SRGAP1: variants seen among roughly 807,000 people sequenced by gnomAD.
SRGAP1 encodes SLIT-ROBO Rho GTPase activating protein 1, also known as SLIT-ROBO Rho GTPase-activating protein 1.
In SRGAP1, 43 loss-of-function variants were observed where a neutral mutation model predicts 121.9. The observed-to-expected ratio is 0.35, with a 90% CI of 0.28 to 0.46. SRGAP1 has a LOEUF of 0.46. Ranked by LOEUF, SRGAP1 falls within the 20% of genes least tolerant of loss-of-function variation. The probability of loss-of-function intolerance (pLI) is 1.00; values close to 1 mark genes in which losing one functional copy is unlikely to be tolerated. For synonymous variants in SRGAP1, 447 were observed against 485.4 expected, an observed-to-expected ratio of 0.92 and a Z score of 1.04; for missense variants, 1,102 against 1,350.9, an observed-to-expected ratio of 0.82 and a Z score of 2.89.
intron 1 of SRGAP1, among the ~76,000 whole-genome samples, chr12:63,871,392 GC>G (rs1255732727): frequency 6.6e-6 from 1 of 152,146 alleles, no homozygotes; most frequent in Non-Finnish European, 1.5e-5. Flanking sequence ...AGCCTGATGA[GC>G]CCTTGAGGAT....
At chr12:63,847,967 G>T (rs112610596) in intron 1 of SRGAP1, among the ~76,000 whole-genome samples, 2,068 of 151,136 alleles carry the variant, frequency 0.014, 14 homozygotes, top group Non-Finnish European at 0.018. Flanking sequence ...CTAAAGGAAT[G>T]ACTTCAGATA....
At chr12:63,884,151 C>A (rs573696129) in intron 1 of SRGAP1, among the ~76,000 whole-genome samples, 1 of 151,688 alleles carries the variant, frequency 6.6e-6, no homozygotes, top group Non-Finnish European at 1.5e-5. Flanking sequence ...GGTGTGGTGG[C>A]GCATGCCTGT....
intron 1 of SRGAP1, among the ~76,000 whole-genome samples, chr12:63,846,637 G>A (rs955313668): frequency 6.6e-6 from 1 of 152,106 alleles, no homozygotes. Flanking sequence ...CACAGAGAAT[G>A]ACCTTCTCCC....
At chr12:63,928,201 C>T (rs938262205) in intron 1 of SRGAP1, among the ~76,000 whole-genome samples, 1 of 152,186 alleles carries the variant, frequency 6.6e-6, no homozygotes, top group Admixed American at 6.5e-5. Flanking sequence ...TCCTAAAAGT[C>T]ACTCTGGGTA....
chr12:63,870,163 G>A (rs1899800291), intron 1 of SRGAP1, among the ~76,000 whole-genome samples: 1 of 152,124 alleles, frequency 6.6e-6, no homozygotes, highest in South Asian at 2.1e-4. Context: ...TCAGATAAAA[G>A]TCTGTATTTT....
At chr12:64,127,746 G>A in intron 20 of SRGAP1, 22 bp downstream of exon 20, 1 of 1,613,208 alleles carries the variant, frequency 6.2e-7, no homozygotes, top group Non-Finnish European at 8.5e-7. Context: ...CTGGGAATCA[G>A]GCCCCTAAGC....
At position 64,143,510 on chromosome 12, in the gene SRGAP1, T is replaced by C. The variant is rs139134680; in HGVS notation, c.*838T>C. ...ACGAACTCCTCCAAAGATCCGTTAT[T>C]CAATAACTGCCTAGAAAATGTTTCC... On this transcript the variant is annotated 3_prime_UTR_variant, in exon 22 of 22. Coordinates refer to ENST00000355086, the MANE Select transcript of SRGAP1 (RefSeq NM_020762.4). 8 of 152,354 alleles carry C rather than the reference T, an allele frequency of 5.3e-5. No homozygotes were observed. The East Asian group carries it at 1.5e-3, about 29-fold the overall frequency. The allele number at this position is 152,354 out of a possible 1,614,324, so 9.4% of individuals were successfully genotyped here.
chr12:63,891,540 C>T (rs973239662), intron 1 of SRGAP1, among the ~76,000 whole-genome samples: 2 of 152,134 alleles, frequency 1.3e-5, no homozygotes, highest in African/African-American at 2.4e-5. Context: ...TGGTTGGGTC[C>T]GTAGCACCTA....
In SRGAP1 at chr12:64,156,894, G is replaced by C. The variant is rs1212370125; in HGVS notation, c.*14222G>C. On this transcript the variant is annotated 3_prime_UTR_variant, in exon 22 of 22. Transcript: ENST00000355086. ...TTCTCTAGGAAAGATTACCTTCTCTGAAGAAGTGATAGGGGGAATAAGGCA... is the reference window on the plus strand; with the variant it reads ...TTCTCTAGGAAAGATTACCTTCTCTCAAGAAGTGATAGGGGGAATAAGGCA... The C allele has an allele frequency of 6.6e-6, 1 of 152,174 alleles. No individual in the cohort carries two copies. Among genetic ancestry groups the C allele is most frequent in the African/African-American group, 2.4e-5 (1 of 41,428 alleles). The allele number at this position is 152,174 out of a possible 1,614,324, so 9.4% of individuals were successfully genotyped here. A position where few individuals can be genotyped will look rare whatever the true frequency, so the allele number is the denominator to read the frequency against.
At chr12:64,106,729 C>T (rs899839711) in intron 15 of SRGAP1, among the ~76,000 whole-genome samples, 1 of 152,118 alleles carries the variant, frequency 6.6e-6, no homozygotes, top group African/African-American at 2.4e-5. Context: ...ATCTTATTCC[C>T]TCTTTTCAGG....
At chr12:64,033,203 C>T (rs2034821619) in intron 4 of SRGAP1, among the ~76,000 whole-genome samples, 1 of 151,968 alleles carries the variant, frequency 6.6e-6, no homozygotes, top group Non-Finnish European at 1.5e-5. Flanking sequence ...CATTTGGTTA[C>T]TTGGCAGTCC....
rs189474012 is a variant in SRGAP1 at position 63,892,333 on chromosome 12, T to C, written c.67+47450T>C. 3.4e-3 allele frequency among the ~76,000 whole-genome samples: 512 copies of C among 152,322 alleles called. 3 individuals carry two copies. The highest frequency in any genetic ancestry group is 3.7e-3 in the Non-Finnish European group (249 of 68,018). ...AGCCCTGAAAAATAATGAAGAGTCA[T>C]AAAATATGTAATAATCATTGTTCAC... On this transcript the variant is annotated intron_variant, in intron 1 of 21. Transcript: ENST00000355086.
chr12:63,863,071 C>T (rs1292230974), intron 1 of SRGAP1, among the ~76,000 whole-genome samples: 1 of 152,120 alleles, frequency 6.6e-6, no homozygotes, highest in East Asian at 1.9e-4. Context: ...GACAAGTTTT[C>T]ACTTTTATTT....
At chr12:63,913,476 TGG>T (rs370650991) in intron 1 of SRGAP1, among the ~76,000 whole-genome samples, 36,626 of 122,478 alleles carry the variant, frequency 0.3, 5,808 homozygotes, top group East Asian at 0.58. Context: ...TATATATATA[TGG>T]ATATATATAT....
chr12:63,986,328 A>G (rs1315884568), intron 2 of SRGAP1, among the ~76,000 whole-genome samples: 1 of 152,208 alleles, frequency 6.6e-6, no homozygotes, highest in Non-Finnish European at 1.5e-5. Flanking sequence ...GGGGCTGGGA[A>G]GCAGAGGCTG....
chr12:63,956,756 A>T (rs2136373765), intron 1 of SRGAP1, among the ~76,000 whole-genome samples: 1 of 114,432 alleles, frequency 8.7e-6, no homozygotes, highest in African/African-American at 3.6e-5. Flanking sequence ...AGCTTTATTG[A>T]GATAGAGACA....
At chr12:63,969,435 C>T (rs2032876017) in intron 1 of SRGAP1, among the ~76,000 whole-genome samples, 1 of 152,148 alleles carries the variant, frequency 6.6e-6, no homozygotes. Flanking sequence ...ATTTTATTCT[C>T]ATGCTGGCCC....
intron 14 of SRGAP1, 109 bp downstream of exon 14, chr12:64,095,313 T>C: frequency 1.1e-6 from 1 of 892,520 alleles, no homozygotes; most frequent in Non-Finnish European, 1.8e-6. Flanking sequence ...TCTTTGTATG[T>C]ACTGCATTAG....
intron 1 of SRGAP1, among the ~76,000 whole-genome samples, chr12:63,880,846 C>A (rs1900171454): frequency 6.6e-6 from 1 of 152,186 alleles, no homozygotes. Flanking sequence ...TCCTGGCAGA[C>A]CCTAGATGTA....
Sources: gnomAD v4.1 joint callset for allele counts (sites outside exome capture counted in the v4.1 genomes callset) on GRCh38, gnomAD v4.1.1 for gene constraint, MANE v1.5 for transcripts, NCBI Gene and HGNC (gene_info 2026-07-23, HGNC 2026-07-21) for gene names.